The following RPRD2 variants were observed in gnomAD, a reference collection of about 807,000 sequenced individuals.
RPRD2 encodes regulation of nuclear pre-mRNA domain containing 2.
RPRD2 carries 12 observed loss-of-function variants against 104.4 expected under a neutral mutation model. That is an observed-to-expected ratio of 0.11 (90% confidence interval 0.07 to 0.19). The LOEUF is 0.19. RPRD2 is among the 10% of genes least tolerant of loss of function. RPRD2 has a pLI of 1.00. For missense variants in RPRD2, 1,543 were observed against 1,790.1 expected (o/e 0.86, Z 2.49); for synonymous variants, 714 against 684.9 (o/e 1.04, Z -0.66).
chr1:150,430,762 T>A (rs12120428), intron 2 of RPRD2, among the ~76,000 whole-genome samples: 11,497 of 152,148 alleles, frequency 0.076, 577 homozygotes, highest in Non-Finnish European at 0.11. Flanking sequence ...AAACCCCGTC[T>A]CTACTAAAAA....
At chr1:150,422,118 C>T (rs182244261) in intron 2 of RPRD2, among the ~76,000 whole-genome samples, 58 of 151,392 alleles carry the variant, frequency 3.8e-4, no homozygotes, top group African/African-American at 1.3e-3. Context: ...GTCAGGAGAT[C>T]GAGACCATCC....
chr1:150,422,016 T>C (rs960662254), intron 2 of RPRD2, among the ~76,000 whole-genome samples: 5 of 150,080 alleles, frequency 3.3e-5, no homozygotes, highest in Admixed American at 3.3e-4. Flanking sequence ...TAAGTATTCC[T>C]TAAACAGCCC....
rs1216153843 is a variant in RPRD2 at position 150,364,412 on chromosome 1, C to G, written c.-303C>G. Among the ~76,000 whole-genome samples, 3 of 152,026 alleles carry G rather than the reference C, an allele frequency of 2.0e-5. No individual in the cohort carries two copies. Among genetic ancestry groups the G allele is most frequent in the Admixed American group, 6.5e-5 (1 of 15,270 alleles). On this transcript the variant is annotated 5_prime_UTR_variant, in exon 1 of 11. Coordinates refer to ENST00000369068, the MANE Select transcript of RPRD2 (RefSeq NM_015203.5). The stretch of plus-strand genomic sequence containing the variant: ...AGGCGTTTTGAAAGGCTTTGCAGGT[C>G]CTGTTTTCTGCGTAATTTTTCCGTG...
chr1:150,460,925 A>G (rs1327663503), intron 9 of RPRD2, among the ~76,000 whole-genome samples: 2 of 150,082 alleles, frequency 1.3e-5, no homozygotes, highest in Admixed American at 6.6e-5. Context: ...GGGTTTCACC[A>G]TGTTGGTCAG....
rs191343928 is a variant in RPRD2, at chr1:150,423,718, G to A, written c.335+5993G>A. Among the ~76,000 whole-genome samples, 5 of 152,094 alleles carry A rather than the reference G, an allele frequency of 3.3e-5. No individual in the cohort carries two copies. The East Asian group carries it at 9.7e-4, about 29-fold the overall frequency. ...ATGATGCACACAGAAAATGCTCATT[G>A]GAGCATCTTGGATTTCAAATTAGAG... On this transcript the variant is annotated intron_variant, in intron 2 of 10. Transcript: ENST00000369068.
intron 9 of RPRD2, among the ~76,000 whole-genome samples, chr1:150,461,857 G>A (rs1667954845): frequency 6.6e-6 from 1 of 152,114 alleles, no homozygotes; most frequent in Non-Finnish European, 1.5e-5. Flanking sequence ...GCGGGCGCCT[G>A]TAGTCCCAGC....
intron 4 of RPRD2, among the ~76,000 whole-genome samples, 164 bp downstream of exon 4, chr1:150,442,122 C>T (rs1311784002): frequency 9.8e-6 from 1 of 101,612 alleles, no homozygotes; most frequent in Non-Finnish European, 2.2e-5. Flanking sequence ...CATGGAGATA[C>T]TTCTAAAAAA....
At chr1:150,366,892 T>G (rs1174207500) in intron 1 of RPRD2, among the ~76,000 whole-genome samples, 1 of 152,220 alleles carries the variant, frequency 6.6e-6, no homozygotes, top group Non-Finnish European at 1.5e-5. Context: ...CAAGAATAAG[T>G]TGGTCCCTGT....
chr1:150,425,145 C>T (rs1015071976), intron 2 of RPRD2, among the ~76,000 whole-genome samples: 1 of 152,058 alleles, frequency 6.6e-6, no homozygotes, highest in Non-Finnish European at 1.5e-5. Context: ...GTACATACTT[C>T]ATAAAGTGTG....
chr1:150,403,051 A>G (rs1553885749), intron 1 of RPRD2, among the ~76,000 whole-genome samples: 4 of 152,200 alleles, frequency 2.6e-5, no homozygotes, highest in African/African-American at 9.6e-5. Context: ...CAGCAGCTCA[A>G]TGGATAAGAC....
intron 7 of RPRD2, among the ~76,000 whole-genome samples, chr1:150,451,456 C>T (rs1195682031): frequency 2.0e-5 from 3 of 152,000 alleles, no homozygotes; most frequent in Non-Finnish European, 4.4e-5. Context: ...AGGTGGATCA[C>T]GAGGGCAGGA....
intron 1 of RPRD2, among the ~76,000 whole-genome samples, chr1:150,366,294 T>G (rs782584359): frequency 2.6e-5 from 4 of 152,258 alleles, no homozygotes; most frequent in Non-Finnish European, 5.9e-5. Context: ...TTGTTTACCT[T>G]TTAGAGAACA....
At chr1:150,372,984 A>C (rs1424435735) in intron 1 of RPRD2, among the ~76,000 whole-genome samples, 1 of 151,586 alleles carries the variant, frequency 6.6e-6, no homozygotes, top group Non-Finnish European at 1.5e-5. Context: ...TGAGATGGTG[A>C]GCCATTTAAG....
Position 150,473,485 on chromosome 1 carries a change from G to A in RPRD2, c.*151G>A, listed in dbSNP as rs1175034875. 5.3e-5 allele frequency: 31 copies of A among 581,852 alleles called. No individual in the cohort carries two copies. The South Asian group carries it at 7.7e-4, about 14-fold the overall frequency. 36.0% of individuals were successfully genotyped at this position (581,852 alleles called of 1,614,324 possible). A position where few individuals can be genotyped will look rare whatever the true frequency, so the allele number is the denominator to read the frequency against. On this transcript the variant is annotated 3_prime_UTR_variant, in exon 11 of 11. Coordinates refer to ENST00000369068, the MANE Select transcript of RPRD2 (RefSeq NM_015203.5). Reference sequence around the variant, plus strand: ...TCTTCCAAAGTAAGAAATCACATACGCTTACGTTTTACTATTCAATTCAAT... The same window carrying A: ...TCTTCCAAAGTAAGAAATCACATACACTTACGTTTTACTATTCAATTCAAT...
intron 2 of RPRD2, among the ~76,000 whole-genome samples, chr1:150,423,137 A>G (rs1664875847): frequency 6.6e-6 from 1 of 152,194 alleles, no homozygotes; most frequent in Admixed American, 6.6e-5. Context: ...TAGAGGTCCT[A>G]GCTAAGGGAC....
At chr1:150,432,604 T>A (rs1665681045) in intron 2 of RPRD2, among the ~76,000 whole-genome samples, 1 of 144,074 alleles carries the variant, frequency 6.9e-6, no homozygotes, top group African/African-American at 2.6e-5. Flanking sequence ...ATGTTACATA[T>A]ATTTAATCAC....
rs1170820785 is a variant in RPRD2 at position 150,472,317 on chromosome 1, T to C, written c.3369T>C (p.Ala1123=). ...GAAATAGAGGACATGGGCGTGAGGC[T>C]TCAAGGGTGGGTTGGTTTGATCTGA... ...GKGNRGHGRE[A]SRVGWFDLST... is the part of the protein sequence containing the mutation. Residue 1123 remains alanine, a synonymous_variant, in exon 11 of 11, where the codon GCT becomes GCC. Transcript: ENST00000369068. The C allele has an allele frequency of 6.2e-7, 1 of 1,613,956 alleles. No individual in the cohort carries two copies. The highest frequency in any genetic ancestry group is 8.5e-7 in the Non-Finnish European group (1 of 1,179,884).
intron 1 of RPRD2, among the ~76,000 whole-genome samples, chr1:150,407,324 C>T (rs181596321): frequency 3.3e-4 from 50 of 152,220 alleles, no homozygotes; most frequent in Non-Finnish European, 2.8e-4. Flanking sequence ...TTAAAAAATA[C>T]ATTATTTAGT....
chr1:150,459,170 C>T (rs1389596110), intron 8 of RPRD2, among the ~76,000 whole-genome samples: 1 of 152,162 alleles, frequency 6.6e-6, no homozygotes, highest in Non-Finnish European at 1.5e-5. Context: ...CTTATATCCC[C>T]AGCCTTCATA....
Sources: gnomAD v4.1 joint callset for allele counts (sites outside exome capture counted in the v4.1 genomes callset) on GRCh38, gnomAD v4.1.1 for gene constraint, MANE v1.5 for transcripts, NCBI Gene and HGNC (gene_info 2026-07-23, HGNC 2026-07-21) for gene names.